CASD1: variants seen among roughly 807,000 people sequenced by gnomAD.
The protein encoded by CASD1 is CAS1 domain sialic acid O acetyltransferase 1.
In CASD1, 41 loss-of-function variants were observed where a neutral mutation model predicts 100.0. The observed-to-expected ratio is 0.41, with a 90% CI of 0.32 to 0.53. The LOEUF is 0.53. CASD1 is among the 20% of genes least tolerant of loss of function. The pLI, the probability that CASD1 is intolerant of heterozygous loss-of-function variation, is 0.25. For synonymous variants in CASD1, 321 were observed against 315.6 expected, an observed-to-expected ratio of 1.02 and a Z score of -0.18; for missense variants, 774 against 948.7, an observed-to-expected ratio of 0.82 and a Z score of 2.42.
chr7:94,549,147 T>C (rs937963610), intron 13 of CASD1, among the ~76,000 whole-genome samples: 2 of 152,038 alleles, frequency 1.3e-5, no homozygotes, highest in Non-Finnish European at 2.9e-5. Flanking sequence ...TGTATTTTTC[T>C]GTTTGATGAG....
chr7:94,544,662 AG>A, intron 11 of CASD1, 132 bp downstream of exon 11: 1 of 860,704 alleles, frequency 1.2e-6, no homozygotes, highest in Non-Finnish European at 1.7e-6. Context: ...AGCACTGTGA[AG>A]TTGTATTCTG....
intron 10 of CASD1, among the ~76,000 whole-genome samples, chr7:94,542,631 G>A (rs113460028): frequency 6.6e-6 from 1 of 152,102 alleles, no homozygotes; most frequent in South Asian, 2.1e-4. Flanking sequence ...GTATAGTTAG[G>A]TTTCAACTTT....
intron 10 of CASD1, among the ~76,000 whole-genome samples, 176 bp from the exon 11 acceptor site, chr7:94,544,235 A>T (rs1332250430): frequency 6.6e-6 from 1 of 152,226 alleles, no homozygotes; most frequent in Non-Finnish European, 1.5e-5. Flanking sequence ...CTCCAATTCC[A>T]GTTCTACATT....
chr7:94,559,412 G>A (rs891608088), downstream of CASD1, among the ~76,000 whole-genome samples: 14 of 151,586 alleles, frequency 9.2e-5, no homozygotes, highest in Middle Eastern at 6.8e-3. Flanking sequence ...ACAATTTGGG[G>A]GAAATATGAA....
chr7:94,557,434 G>A (rs1796245616), downstream of CASD1, among the ~76,000 whole-genome samples: 1 of 152,042 alleles, frequency 6.6e-6, no homozygotes, highest in South Asian at 2.1e-4. Context: ...GTAGAGAATA[G>A]TATAGTTATA....
chr7:94,550,468 G>T (rs983701643), intron 14 of CASD1, among the ~76,000 whole-genome samples: 1 of 151,996 alleles, frequency 6.6e-6, no homozygotes, highest in Admixed American at 6.6e-5. Context: ...ATTATGATAC[G>T]ACTGTCCCAG....
the CASD1 span, chr7:94,616,899 T>A: frequency 6.6e-6 from 1 of 152,200 alleles, no homozygotes; most frequent in African/African-American, 2.4e-5. Context: ...AGGTTAAGGC[T>A]TAACATTAAA....
the CASD1 span, among the ~76,000 whole-genome samples, chr7:94,614,577 T>A: frequency 6.6e-6 from 1 of 152,174 alleles, no homozygotes; most frequent in Non-Finnish European, 1.5e-5. Context: ...CCCTTTCCCC[T>A]GCATAGCGTT....
the CASD1 span, among the ~76,000 whole-genome samples, chr7:94,610,174 A>C: frequency 6.6e-6 from 1 of 152,238 alleles, no homozygotes; most frequent in Non-Finnish European, 1.5e-5. Context: ...GGAGACAGTA[A>C]AAACATCAAT....
the CASD1 span, among the ~76,000 whole-genome samples, chr7:94,607,010 G>C: frequency 6.6e-6 from 1 of 151,552 alleles, no homozygotes; most frequent in Non-Finnish European, 1.5e-5. Flanking sequence ...CATTAGAAAA[G>C]AAGAGAGATC....
chr7:94,569,164 T>A, the CASD1 span, among the ~76,000 whole-genome samples: 1 of 152,184 alleles, frequency 6.6e-6, no homozygotes, highest in Non-Finnish European at 1.5e-5. Flanking sequence ...GCAGTCTAGA[T>A]ATACATATTA....
the CASD1 span, among the ~76,000 whole-genome samples, chr7:94,606,593 C>T: frequency 6.6e-6 from 1 of 152,180 alleles, no homozygotes; most frequent in Admixed American, 6.5e-5. Flanking sequence ...TTGGTAAAGA[C>T]ATAGTGAAAC....
intron 12 of CASD1, among the ~76,000 whole-genome samples, chr7:94,546,308 G>A (rs1795677038): frequency 1.3e-5 from 2 of 151,918 alleles, no homozygotes; most frequent in South Asian, 2.1e-4. Context: ...AATGTTCAAA[G>A]TGAGGCCACA....
At chr7:94,525,535 T>A (rs1026948535) in intron 3 of CASD1, among the ~76,000 whole-genome samples, 1 of 152,208 alleles carries the variant, frequency 6.6e-6, no homozygotes, top group Non-Finnish European at 1.5e-5. Context: ...AAACATTATA[T>A]TAAAAAAGGA....
At chr7:94,546,245 C>T (rs1006577128) in intron 12 of CASD1, among the ~76,000 whole-genome samples, 1 of 151,878 alleles carries the variant, frequency 6.6e-6, no homozygotes, top group South Asian at 2.1e-4. Flanking sequence ...ATATAAGGAA[C>T]CTAAATACCC....
At chr7:94,595,490 G>A in the CASD1 span, among the ~76,000 whole-genome samples, 6 of 152,092 alleles carry the variant, frequency 3.9e-5, no homozygotes, top group Admixed American at 2.6e-4. Context: ...GTATGAATGT[G>A]AAGATGAAAT....
At chr7:94,585,543 A>G in the CASD1 span, 9 of 1,543,526 alleles carry the variant, frequency 5.8e-6, no homozygotes, top group South Asian at 1.0e-4. Flanking sequence ...GAATATGGGC[A>G]GGAGTTAGTC....
At chr7:94,521,997 T>A (rs1447594901) in intron 3 of CASD1, among the ~76,000 whole-genome samples, 2 of 152,100 alleles carry the variant, frequency 1.3e-5, no homozygotes, top group African/African-American at 4.8e-5. Context: ...GGCAGGAGAA[T>A]GGCGTGAACA....
At chr7:94,535,250 A>T (rs1470745851) in intron 7 of CASD1, 59 bp from the exon 8 acceptor site, 4 of 1,311,762 alleles carry the variant, frequency 3.0e-6, no homozygotes, top group Non-Finnish European at 1.1e-6. Context: ...TTGCATGATC[A>T]CAATTTTTAC....
Sources: allele counts gnomAD v4.1 joint callset (sites outside exome capture counted in the v4.1 genomes callset), GRCh38; gene constraint gnomAD v4.1.1; transcripts MANE v1.5; gene names NCBI Gene and HGNC (gene_info 2026-07-23, HGNC 2026-07-21).